The following TRPS1 variants were observed in gnomAD, a reference collection of about 807,000 sequenced individuals.
TRPS1 encodes transcriptional repressor GATA binding 1, also known as zinc finger transcription factor Trps1.
A neutral mutation model predicts 101.2 loss-of-function variants in TRPS1; 6 were observed. The ratio of observed to expected loss-of-function variants is 0.06; its 90% CI spans 0.03 to 0.12. The LOEUF is 0.12. TRPS1 is among the 10% of genes least tolerant of loss of function. TRPS1 has a pLI of 1.00. For synonymous variants in TRPS1, 578 were observed against 589.8 expected (o/e 0.98, Z 0.29); for missense variants, 1,363 against 1,567.0 (o/e 0.87, Z 2.20).
chr8:115,665,294 G>C (rs1366668189), intron 1 of TRPS1, among the ~76,000 whole-genome samples: 1 of 152,070 alleles, frequency 6.6e-6, no homozygotes, highest in Non-Finnish European at 1.5e-5. Flanking sequence ...TACAGTCTTT[G>C]GTTGCTTTCT....
chr8:115,507,258 G>C (rs1263090001), intron 5 of TRPS1, among the ~76,000 whole-genome samples: 1 of 151,998 alleles, frequency 6.6e-6, no homozygotes, highest in Non-Finnish European at 1.5e-5. Flanking sequence ...GAGAAGAAGG[G>C]GGCTGGAACA....
chr8:115,646,636 A>C (rs565120046), intron 1 of TRPS1, among the ~76,000 whole-genome samples: 1 of 152,188 alleles, frequency 6.6e-6, no homozygotes, highest in Non-Finnish European at 1.5e-5. Flanking sequence ...TGGTGGACCT[A>C]AAGTCTTTAT....
intron 1 of TRPS1, among the ~76,000 whole-genome samples, chr8:115,663,499 A>C (rs1811853347): frequency 6.6e-6 from 1 of 152,044 alleles, no homozygotes; most frequent in African/African-American, 2.4e-5. Context: ...TAAAAGCTAG[A>C]AACATTTTAA....
chr8:115,533,263 C>T (rs1437558479), intron 5 of TRPS1, among the ~76,000 whole-genome samples: 1 of 152,006 alleles, frequency 6.6e-6, no homozygotes, highest in African/African-American at 2.4e-5. Context: ...CTCCCAAATA[C>T]TCTCCCACCA....
At chr8:115,487,309 G>C (rs1398962021) in intron 5 of TRPS1, among the ~76,000 whole-genome samples, 1 of 152,034 alleles carries the variant, frequency 6.6e-6, no homozygotes, top group Non-Finnish European at 1.5e-5. Flanking sequence ...AATGCACCTG[G>C]TTACCCCAGA....
At chr8:115,581,500 T>C (rs564046034) in intron 5 of TRPS1, among the ~76,000 whole-genome samples, 2 of 152,224 alleles carry the variant, frequency 1.3e-5, no homozygotes, top group African/African-American at 4.8e-5. Flanking sequence ...AACAGCACTA[T>C]GTTCCCCACA....
At chr8:115,428,315 T>C (rs963890436) in intron 5 of TRPS1, among the ~76,000 whole-genome samples, 3 of 152,214 alleles carry the variant, frequency 2.0e-5, no homozygotes, top group Admixed American at 2.0e-4. Flanking sequence ...TAAAACTTCA[T>C]GTTCTTCATC....
Position 115,418,167 on chromosome 8 carries a change from TA to T in TRPS1, c.2823+162del, listed in dbSNP as rs1812966342. ...CTCAAACCTATCTCCCCATCACATC[TA>T]AGCCCCCTTCACCATAAATCACATG... On this transcript the variant is annotated intron_variant, in intron 6 of 6. Transcript: ENST00000395715. The surrounding 1 kb of genome is among the most constrained non-coding windows in gnomAD (Gnocchi z 4.3). Among the ~76,000 whole-genome samples the T allele has an allele frequency of 6.6e-6, 1 of 152,144 alleles. No individual in the cohort carries two copies. The highest frequency in any genetic ancestry group is 2.4e-5 in the African/African-American group (1 of 41,428).
Position 115,497,465 on chromosome 8 carries a change from G to T in TRPS1, c.2701-79013C>A, listed in dbSNP as rs182841409. ...TACGGGTCCATGGCTTGGGGGTTTG[G>T]GACCCCAGCCTTGGGAAACATCTAT... On this transcript the variant is annotated intron_variant, in intron 5 of 6. Coordinates refer to ENST00000395715, the MANE Select transcript of TRPS1 (RefSeq NM_014112.5). 1.2e-4 allele frequency among the ~76,000 whole-genome samples: 19 copies of T among 152,244 alleles called. No homozygotes were observed. The East Asian group carries it at 3.3e-3, about 26-fold the overall frequency.
chr8:115,632,331 T>TA (rs1003442966), intron 1 of TRPS1, among the ~76,000 whole-genome samples: 105 of 152,198 alleles, frequency 6.9e-4, no homozygotes, highest in African/African-American at 2.4e-3. Context: ...GCATAATACA[T>TA]AAAAAATAAA....
rs78586623 is a variant in TRPS1 at position 115,652,635 on chromosome 8, C to T, written c.-122+15910G>A. The stretch of plus-strand genomic sequence containing the variant: ...ATCCATCCCTTGCTTAAAACCTAAT[C>T]TATCTCTCAGCTTCATTAGCCATGT... On this transcript the variant is annotated intron_variant, in intron 1 of 6. Transcript: ENST00000395715. Among the ~76,000 whole-genome samples the T allele has an allele frequency of 6.6e-4, 100 of 152,326 alleles. 1 individual carries two copies. The highest frequency in any genetic ancestry group is 2.4e-3 in the African/African-American group (99 of 41,572).
chr8:115,428,613 T>C (rs189679435), intron 5 of TRPS1, among the ~76,000 whole-genome samples: 1 of 152,286 alleles, frequency 6.6e-6, no homozygotes. Context: ...TATGAATGTG[T>C]CCACAAAAAG....
At chr8:115,595,060 T>C (rs1235946427) in intron 4 of TRPS1, among the ~76,000 whole-genome samples, 2 of 151,950 alleles carry the variant, frequency 1.3e-5, no homozygotes, top group Non-Finnish European at 2.9e-5. Flanking sequence ...TCAAAGTAAA[T>C]GAATAAATCA....
chr8:115,553,370 A>T (rs554314474), intron 5 of TRPS1, among the ~76,000 whole-genome samples: 2 of 152,212 alleles, frequency 1.3e-5, no homozygotes, highest in Non-Finnish European at 2.9e-5. Flanking sequence ...TCAACAAATG[A>T]ATTATCCACA....
rs928551852 is a variant in TRPS1, at chr8:115,646,760, T to C, written c.-122+21785A>G. 5.3e-5 allele frequency among the ~76,000 whole-genome samples: 8 copies of C among 152,176 alleles called. 1 individual carries two copies. Among genetic ancestry groups the C allele is most frequent in the Non-Finnish European group, 8.8e-5 (6 of 68,012 alleles). On this transcript the variant is annotated intron_variant, in intron 1 of 6. Transcript: ENST00000395715. ...GCAAACTGTAGTTATTAATAATTGG[T>C]TTAGTATTATTTTTATCATAAGGTC...
chr8:115,551,442 G>T (rs72680013), intron 5 of TRPS1, among the ~76,000 whole-genome samples: 4,284 of 152,224 alleles, frequency 0.028, 94 homozygotes, highest in Non-Finnish European at 0.044. Context: ...GGGAGCCAAT[G>T]CTTGTATACT....
intron 4 of TRPS1, among the ~76,000 whole-genome samples, chr8:115,591,934 C>A (rs1021513635): frequency 6.6e-6 from 1 of 152,060 alleles, no homozygotes; most frequent in African/African-American, 2.4e-5. Context: ...GTGCCTTGCC[C>A]ATTTTATCTA....
chr8:115,632,092 T>C (rs1302247596), intron 1 of TRPS1, among the ~76,000 whole-genome samples: 1 of 152,220 alleles, frequency 6.6e-6, no homozygotes, highest in East Asian at 1.9e-4. Context: ...CTCTATATAG[T>C]GATAATTCTA....
intron 5 of TRPS1, among the ~76,000 whole-genome samples, chr8:115,563,278 A>G (rs1377720874): frequency 6.6e-6 from 1 of 151,666 alleles, no homozygotes; most frequent in Non-Finnish European, 1.5e-5. Flanking sequence ...TGTTGTCTGC[A>G]TTTTCTTATT....
Sources: gnomAD v4.1 joint callset for allele counts (sites outside exome capture counted in the v4.1 genomes callset) on GRCh38, gnomAD v4.1.1 for gene constraint, Gnocchi (gnomAD v3.1) non-coding constraint, MANE v1.5 for transcripts, NCBI Gene and HGNC (gene_info 2026-07-23, HGNC 2026-07-21) for gene names.